The following KLHDC7B variants were observed in gnomAD, a reference collection of about 807,000 sequenced individuals.
The protein encoded by KLHDC7B is kelch domain-containing protein 7B.
A neutral mutation model predicts 0.6 loss-of-function variants in KLHDC7B; 1 was observed. The ratio of observed to expected loss-of-function variants is 1.71; its 90% CI spans 0.61 to 8.11. The LOEUF is 8.11. KLHDC7B is among the 30% of genes most tolerant of loss of function. The probability of loss-of-function intolerance (pLI) is 0.13; values close to 1 mark genes in which losing one functional copy is unlikely to be tolerated. For missense variants in KLHDC7B, 993 were observed against 894.9 expected (o/e 1.11, Z -1.40); for synonymous variants, 462 against 405.2 (o/e 1.14, Z -1.68).
chr22:50,547,494 G>A lies in KLHDC7B; in HGVS notation c.1251G>A (p.Pro417=). 2.5e-6 allele frequency: 1 copy of A among 393,284 alleles called. No homozygotes were observed. Among genetic ancestry groups the A allele is most frequent in the Non-Finnish European group, 4.5e-6 (1 of 222,820 alleles). The allele number at this position is 393,284 out of a possible 1,614,324, so 24.4% of individuals were successfully genotyped here. A position where few individuals can be genotyped will look rare whatever the true frequency, so the allele number is the denominator to read the frequency against. The change falls in exon 1 of 1, where the codon CCG becomes CCA. Residue 417 remains proline (P), a synonymous_variant. Coordinates refer to ENST00000648057, the MANE Select transcript of KLHDC7B (RefSeq NM_138433.5). ...CCTCCCGGAGCCGTGAGCCTCGCCCGCGCTCCGCCTCCCCGCCCGCAGCTC... is the reference window on the plus strand; with the variant it reads ...CCTCCCGGAGCCGTGAGCCTCGCCCACGCTCCGCCTCCCCGCCCGCAGCTC... ...RAPSRSREPR[P]RSASPPAAPG...
In KLHDC7B at chr22:50,548,129, A is replaced by G. The variant is rs559064009; in HGVS notation, c.1886A>G (p.Glu629Gly). The change falls in exon 1 of 1, where the codon GAG (glutamate) becomes GGG (glycine). Residue 629 changes from glutamate (E) to glycine (G), a missense_variant. Physicochemically the swap from Glu to Gly is moderately conservative, Grantham distance 98 (BLOSUM62 -2). Transcript: ENST00000648057. This position sits in a 1 kb window ranked among gnomAD's most constrained non-coding sequence, Gnocchi z 5.3. ...ESVALPRRYQ[E>G]GQVSASWGNL... ...GTGGCTCTCCCCAGGCGCTACCAGGAGGGGCAGGTCTCAGCCAGCTGGGGA... is the reference window on the plus strand; with the variant it reads ...GTGGCTCTCCCCAGGCGCTACCAGGGGGGGCAGGTCTCAGCCAGCTGGGGA... 3 of 1,458,644 alleles carry G rather than the reference A, an allele frequency of 2.1e-6. No homozygotes were observed. In the East Asian group the frequency reaches 7.5e-5, roughly 37 times the overall value. 90.4% of individuals were successfully genotyped at this position (1,458,644 alleles called of 1,614,324 possible).
Position 50,549,019 on chromosome 22 carries a change from G to A in KLHDC7B, c.2776G>A (p.Val926Ile). ...RTGRGRAVLG[V>I]LVLPSLYQGG... The stretch of plus-strand genomic sequence containing the variant: ...CGGCCGGGGCCGGGCGGTGCTGGGC[G>A]TCCTCGTACTGCCCAGCCTCTACCA... The change falls in exon 1 of 1, where the codon GTC (valine) becomes ATC (isoleucine). Residue 926 changes from valine to isoleucine, a missense_variant. Physicochemically the swap from Val to Ile is conservative, Grantham distance 29. Coordinates refer to ENST00000648057, the MANE Select transcript of KLHDC7B (RefSeq NM_138433.5). 1.3e-6 allele frequency: 2 copies of A among 1,595,984 alleles called. No individual in the cohort carries two copies. The highest frequency in any genetic ancestry group is 1.7e-6 in the Non-Finnish European group (2 of 1,175,918).
In KLHDC7B at chr22:50,547,306, C is replaced by G. The variant is rs1362961676; in HGVS notation, c.1063C>G (p.Gln355Glu). Residue 355 changes from glutamine to glutamate, a missense_variant, in exon 1 of 1, where the codon CAA becomes GAA. By Grantham distance (29) the Gln-to-Glu change is conservative (BLOSUM62 2). Coordinates refer to ENST00000648057, the MANE Select transcript of KLHDC7B (RefSeq NM_138433.5). ...STRPWLESPP[Q>E]GRPLSSQGPG... ...GCGCCCCTGGCTAGAGAGTCCGCCT[C>G]AAGGTCGCCCACTCTCGTCCCAAGG... 6.6e-6 allele frequency among the ~76,000 whole-genome samples: 1 copy of G among 151,886 alleles called. No individual in the cohort carries two copies.
upstream of KLHDC7B, chr22:50,547,909 AGCCCAGC>A: frequency 9.0e-6 from 3 of 334,228 alleles, no homozygotes; most frequent in East Asian, 1.1e-4. Flanking sequence ...CCCAGCCCTA[AGCCCAGC>A]TCCAACTCCA....
In KLHDC7B at chr22:50,549,880, G is replaced by A; in HGVS notation, c.3637G>A (p.Gly1213Arg). The part of the protein sequence containing the change: ...QAKELQPFPL[G>R]STGVLSPFIL... ...CAAGGAGCTGCAGCCCTTCCCCTTG[G>A]GGAGCACCGGGGTCCTCAGTCCATT... The change falls in exon 1 of 1, where the codon GGG (glycine) becomes AGG (arginine). Residue 1213 changes from glycine (G) to arginine (R), a missense_variant. Gly to Arg is a moderately radical substitution (Grantham distance 125). Coordinates refer to ENST00000648057, the MANE Select transcript of KLHDC7B (RefSeq NM_138433.5). The A allele has an allele frequency of 3.8e-6, 6 of 1,587,394 alleles. No individual in the cohort carries two copies. Among genetic ancestry groups the A allele is most frequent in the Non-Finnish European group, 5.1e-6 (6 of 1,165,664 alleles).
In KLHDC7B at chr22:50,549,133, C is replaced by A; in HGVS notation, c.2890C>A (p.His964Asn). Reference sequence around the variant, plus strand: ...GTCCCTGCCTCTACCTGCGCACCTGCATGTGTTCAACCCCCGGGAGAACAC... The same window carrying A: ...GTCCCTGCCTCTACCTGCGCACCTGAATGTGTTCAACCCCCGGGAGAACAC... ...PVSLPLPAHL[H>N]VFNPRENTWR... Residue 964 changes from histidine to asparagine, a missense_variant, in exon 1 of 1, where the codon CAT (histidine) becomes AAT (asparagine). Transcript: ENST00000648057. 1 of 1,603,136 alleles carries A rather than the reference C, an allele frequency of 6.2e-7. No homozygotes were observed.
Position 50,549,296 on chromosome 22 carries a change from G to C in KLHDC7B, c.3053G>C (p.Cys1018Ser). Reference protein sequence around the residue: ...AKAVCSNEVFCYNPLTNIWSQ... With the variant: ...AKAVCSNEVFSYNPLTNIWSQ... ...GCCGTCTGCTCCAACGAGGTCTTCT[G>C]CTACAACCCTCTGACCAACATCTGG... The change falls in exon 1 of 1, where the codon TGC becomes TCC. Residue 1018 changes from cysteine to serine, a missense_variant. Coordinates refer to ENST00000648057, the MANE Select transcript of KLHDC7B (RefSeq NM_138433.5). 2 of 1,612,478 alleles carry C rather than the reference G, an allele frequency of 1.2e-6. No homozygotes were observed. Among genetic ancestry groups the C allele is most frequent in the East Asian group, 4.5e-5 (2 of 44,882 alleles).
chr22:50,547,890 AGT>A, upstream of KLHDC7B: 12 of 90,858 alleles, frequency 1.3e-4, no homozygotes, highest in East Asian at 5.0e-4. Context: ...CCCTAACCCC[AGT>A]CCCAACCCCA....
rs2069773306 is a variant in KLHDC7B at position 50,549,153 on chromosome 22, G to A, written c.2910G>A (p.Glu970=). The change falls in exon 1 of 1, where the codon GAG becomes GAA. Residue 970 remains glutamate, a synonymous_variant. Transcript: ENST00000648057. The stretch of plus-strand genomic sequence containing the variant: ...ACCTGCATGTGTTCAACCCCCGGGA[G>A]AACACCTGGCGGCCCCTGACCCAGG... ...PAHLHVFNPR[E]NTWRPLTQVP... The A allele has an allele frequency of 6.2e-7, 1 of 1,604,240 alleles. No homozygotes were observed. Among genetic ancestry groups the A allele is most frequent in the East Asian group, 2.2e-5 (1 of 44,852 alleles).
Position 50,549,468 on chromosome 22 carries a change from C to A in KLHDC7B, c.3225C>A (p.Leu1075=), listed in dbSNP as rs1267281562. 1.2e-6 allele frequency: 2 copies of A among 1,612,592 alleles called. No homozygotes were observed. The highest frequency in any genetic ancestry group is 2.2e-5 in the East Asian group (1 of 44,862). The change falls in exon 1 of 1, where the codon CTC becomes CTA. Residue 1075 remains leucine (L), a synonymous_variant. Transcript: ENST00000648057. Reference sequence around the variant, plus strand: ...ACGCCTGGACCCCACGCGCGCCACTCCCCGCAGGCACCTTCCCTGTGGCCC... The same window carrying A: ...ACGCCTGGACCCCACGCGCGCCACTACCCGCAGGCACCTTCCCTGTGGCCC... The part of the protein sequence containing the change: ...RTDAWTPRAP[L]PAGTFPVAHE...
Position 50,548,796 on chromosome 22 carries a change from G to T in KLHDC7B, c.2553G>T (p.Thr851=). The T allele has an allele frequency of 6.8e-7, 1 of 1,464,218 alleles. No homozygotes were observed. Among genetic ancestry groups the T allele is most frequent in the South Asian group, 1.4e-5 (1 of 72,154 alleles). The allele number at this position is 1,464,218 out of a possible 1,614,324, so 90.7% of individuals were successfully genotyped here. The change falls in exon 1 of 1, where the codon ACG becomes ACT. Residue 851 remains threonine (T), a synonymous_variant. Coordinates refer to ENST00000648057, the MANE Select transcript of KLHDC7B (RefSeq NM_138433.5). The surrounding 1 kb of genome is among the most constrained non-coding windows in gnomAD (Gnocchi z 5.3). ...KPSSRALEPA[T]AAALRRRLDL... ...GCTCCCGGGCCCTGGAGCCCGCCAC[G>T]GCGGCAGCCCTGCGGCGGCGGCTGG...
chr22:50,549,458 G>A lies in KLHDC7B; in HGVS notation c.3215G>A (p.Arg1072His), dbSNP rs752119633. Residue 1072 changes from arginine to histidine, a missense_variant, in exon 1 of 1, where the codon CGC becomes CAC. Arg to His is a conservative substitution (Grantham distance 29). Coordinates refer to ENST00000648057, the MANE Select transcript of KLHDC7B (RefSeq NM_138433.5). ...YDPRTDAWTP[R>H]APLPAGTFPV... is the part of the protein sequence containing the mutation. ...CCGCGAACAGACGCCTGGACCCCACGCGCGCCACTCCCCGCAGGCACCTTC... is the reference window on the plus strand; with the variant it reads ...CCGCGAACAGACGCCTGGACCCCACACGCGCCACTCCCCGCAGGCACCTTC... The A allele has an allele frequency of 3.1e-6, 5 of 1,612,586 alleles. No individual in the cohort carries two copies. The highest frequency in any genetic ancestry group is 3.3e-5 in the Admixed American group (2 of 60,018).
At position 50,549,749 on chromosome 22, in the gene KLHDC7B, C is replaced by A. The variant is rs772289178; in HGVS notation, c.3506C>A (p.Ala1169Asp). The change falls in exon 1 of 1, where the codon GCC (alanine) becomes GAC (aspartate). Residue 1169 changes from alanine (A) to aspartate (D), a missense_variant. By Grantham distance (126) the Ala-to-Asp change is moderately radical. Transcript: ENST00000648057. ...AGGGCTGCCTCCCTGCCCCTGCCCG[C>A]CCCCGCCCCACTGCACTGCACCACC... ...WSRAASLPLP[A>D]PAPLHCTTLG... 1.3e-6 allele frequency: 2 copies of A among 1,559,772 alleles called. No individual in the cohort carries two copies. Among genetic ancestry groups the A allele is most frequent in the Admixed American group, 3.8e-5 (2 of 52,654 alleles).
chr22:50,549,657 C>CT lies in KLHDC7B; in HGVS notation c.1493dup (p.Asp499ArgfsTer89). 6.4e-7 allele frequency: 1 copy of CT among 1,557,840 alleles called. No individual in the cohort carries two copies. Among genetic ancestry groups the CT allele is most frequent in the South Asian group, 1.2e-5 (1 of 82,862 alleles). ...TGGCACTGGGGGGCTTCCTGTACCG[C>CT]TTCGACCTGCTGCGGGGCGTGGGCG... On this transcript the variant is annotated frameshift_variant, in exon 1 of 1. Transcript: ENST00000395676. LOFTEE classifies it low-confidence loss of function (END_TRUNC).
At position 50,547,986 on chromosome 22, in the gene KLHDC7B, A is replaced by G; in HGVS notation, c.1743A>G (p.Pro581=). 1 of 309,420 alleles carries G rather than the reference A, an allele frequency of 3.2e-6. No homozygotes were observed. The highest frequency in any genetic ancestry group is 4.8e-6 in the Non-Finnish European group (1 of 207,320). The allele number at this position is 309,420 out of a possible 1,614,324, so 19.2% of individuals were successfully genotyped here. ...LTPVPTPALS[P]APTPAPTPAA... The stretch of plus-strand genomic sequence containing the variant: ...CAGTCCCAACCCCAGCCCTAAGCCC[A>G]GCTCCAACTCCAGCCCCAACCCCAG... Residue 581 remains proline (P), a synonymous_variant, in exon 1 of 1, where the codon CCA becomes CCG. Transcript: ENST00000648057.
At position 50,549,389 on chromosome 22, in the gene KLHDC7B, A is replaced by G; in HGVS notation, c.3146A>G (p.Tyr1049Cys). ...CTGGTGGCCCTGGACGGGCTGCTCT[A>G]TGCCATCGGTGGCGAATGCCTGTAC... is the stretch of plus-strand genomic sequence containing the variant. ...LKLVALDGLL[Y>C]AIGGECLYSM... The change falls in exon 1 of 1, where the codon TAT becomes TGT. Residue 1049 changes from tyrosine (Y) to cysteine (C), a missense_variant. Coordinates refer to ENST00000648057, the MANE Select transcript of KLHDC7B (RefSeq NM_138433.5). 6.2e-7 allele frequency: 1 copy of G among 1,612,770 alleles called. No individual in the cohort carries two copies. The highest frequency in any genetic ancestry group is 2.2e-5 in the East Asian group (1 of 44,868).
rs974523961 is a variant in KLHDC7B, at chr22:50,548,252, C to G, written c.2009C>G (p.Pro670Arg). The G allele has an allele frequency of 6.4e-7, 1 of 1,550,854 alleles. No homozygotes were observed. Among genetic ancestry groups the G allele is most frequent in the Admixed American group, 2.0e-5 (1 of 50,966 alleles). Reference sequence around the variant, plus strand: ...GCGGTTCCCGGGAGCCCCGTGGGTCCCAGCACTTCCACACACTCTGAGGAC... The same window carrying G: ...GCGGTTCCCGGGAGCCCCGTGGGTCGCAGCACTTCCACACACTCTGAGGAC... ...PRAVPGSPVGPSTSTHSEDRH... is the reference protein window; with the variant it reads ...PRAVPGSPVGRSTSTHSEDRH... Residue 670 changes from proline to arginine, a missense_variant, in exon 1 of 1, where the codon CCC becomes CGC. Transcript: ENST00000648057. This position sits in a 1 kb window ranked among gnomAD's most constrained non-coding sequence, Gnocchi z 5.3.
chr22:50,548,859 G>A lies in KLHDC7B; in HGVS notation c.2616G>A (p.Gln872=), dbSNP rs1214269855. 2.6e-6 allele frequency: 4 copies of A among 1,557,508 alleles called. No individual in the cohort carries two copies. Among genetic ancestry groups the A allele is most frequent in the Admixed American group, 1.9e-5 (1 of 52,410 alleles). The change falls in exon 1 of 1, where the codon CAG becomes CAA. Residue 872 remains glutamine, a synonymous_variant. Coordinates refer to ENST00000648057, the MANE Select transcript of KLHDC7B (RefSeq NM_138433.5). The surrounding 1 kb of genome is among the most constrained non-coding windows in gnomAD (Gnocchi z 5.3). ...GSCLDVLAFA[Q]QHGEPGLAQE... ...GCCTGGACGTGCTGGCCTTTGCCCA[G>A]CAGCACGGAGAGCCCGGCCTGGCGC...
rs1021235962 is a variant in KLHDC7B at position 50,546,289 on chromosome 22, G to T, written c.46G>T (p.Asp16Tyr). 4 of 398,320 alleles carry T rather than the reference G, an allele frequency of 1.0e-5. No homozygotes were observed. The highest frequency in any genetic ancestry group is 8.2e-5 in the African/African-American group (4 of 48,762). The allele number at this position is 398,320 out of a possible 1,614,324, so 24.7% of individuals were successfully genotyped here. ...LEPDGPLWGW[D>Y]WDSDNDWDSA... is the part of the protein sequence containing the mutation. ...GCCAGATGGTCCCCTCTGGGGCTGG[G>T]ACTGGGACAGTGACAATGACTGGGA... is the stretch of plus-strand genomic sequence containing the variant. Residue 16 changes from aspartate to tyrosine, a missense_variant, in exon 1 of 1, where the codon GAC (aspartate) becomes TAC (tyrosine). Transcript: ENST00000648057.
Sources: allele counts gnomAD v4.1 joint callset (sites outside exome capture counted in the v4.1 genomes callset), GRCh38; gene constraint gnomAD v4.1.1; non-coding constraint Gnocchi (gnomAD v3.1); transcripts MANE v1.5; gene names NCBI Gene and HGNC (gene_info 2026-07-23, HGNC 2026-07-21).